The following LRBA variants were observed in gnomAD, a reference collection of about 807,000 sequenced individuals.
The protein encoded by LRBA is LPS responsive beige-like anchor protein.
A neutral mutation model predicts 330.0 loss-of-function variants in LRBA; 176 were observed. The observed-to-expected ratio is 0.53, with a 90% confidence interval of 0.47 to 0.60. LRBA has a LOEUF of 0.60. LRBA is among the 20% of genes least tolerant of loss of function. The pLI, the probability that LRBA is intolerant of heterozygous loss-of-function variation, is 0.00. For missense variants in LRBA, 3,259 were observed against 3,444.8 expected, an observed-to-expected ratio of 0.95 and a Z score of 1.35; for synonymous variants, 1,230 against 1,193.0, an observed-to-expected ratio of 1.03 and a Z score of -0.64.
intron 36 of LRBA, among the ~76,000 whole-genome samples, chr4:150,693,327 G>C (rs1479795562): frequency 2.6e-5 from 4 of 152,010 alleles, no homozygotes; most frequent in Non-Finnish European, 4.4e-5. Context: ...ACTTTGGGAG[G>C]CCGAGGTGGG....
intron 35 of LRBA, among the ~76,000 whole-genome samples, chr4:150,742,100 G>C (rs1439199381): frequency 6.6e-6 from 1 of 150,672 alleles, no homozygotes; most frequent in African/African-American, 2.4e-5. Flanking sequence ...TGAGAACATA[G>C]AGCGGGCAGG....
At chr4:150,511,781 G>A (rs1027119512) in intron 40 of LRBA, among the ~76,000 whole-genome samples, 8 of 152,098 alleles carry the variant, frequency 5.3e-5, no homozygotes, top group Non-Finnish European at 1.2e-4. Context: ...GTTAGATGAC[G>A]CAGTCAAAAT....
chr4:150,348,838 C>T (rs1445912431), intron 48 of LRBA, among the ~76,000 whole-genome samples: 2 of 152,144 alleles, frequency 1.3e-5, no homozygotes, highest in East Asian at 3.9e-4. Context: ...TGTAACACTA[C>T]CTGTATGTTG....
Position 150,583,159 on chromosome 4 carries a change from G to A in LRBA, c.6330+4889C>T, listed in dbSNP as rs1771621837. 3 of 1,614,096 alleles carry A rather than the reference G, an allele frequency of 1.9e-6. No individual in the cohort carries two copies. Among genetic ancestry groups the A allele is most frequent in the African/African-American group, 1.3e-5 (1 of 74,952 alleles). On this transcript the variant is annotated intron_variant, in intron 40 of 56. Coordinates refer to ENST00000651943, the MANE Select transcript of LRBA (RefSeq NM_001364905.1). The surrounding 1 kb of genome is among the most constrained non-coding windows in gnomAD (Gnocchi z 9.8). Reference sequence around the variant, plus strand: ...TAAGGTGGTCTCGGACGTGCTCAAGGAAGTGGAGGTGCAGGAGCCTCGCTT... The same window carrying A: ...TAAGGTGGTCTCGGACGTGCTCAAGAAAGTGGAGGTGCAGGAGCCTCGCTT...
intron 47 of LRBA, among the ~76,000 whole-genome samples, chr4:150,383,815 G>GT (rs1478058670): frequency 6.6e-6 from 1 of 151,978 alleles, no homozygotes; most frequent in African/African-American, 2.4e-5. Flanking sequence ...AAAGCCTTAC[G>GT]TTAGAACAAG....
chr4:150,583,153 C>T lies in LRBA; in HGVS notation c.6330+4895G>A, dbSNP rs1342528914. 1 of 1,614,100 alleles carries T rather than the reference C, an allele frequency of 6.2e-7. No individual in the cohort carries two copies. The highest frequency in any genetic ancestry group is 2.2e-5 in the East Asian group (1 of 44,880). On this transcript the variant is annotated intron_variant, in intron 40 of 56. Transcript: ENST00000651943. This position sits in a 1 kb window ranked among gnomAD's most constrained non-coding sequence, Gnocchi z 9.8. ...GGTCTGTAAGGTGGTCTCGGACGTG[C>T]TCAAGGAAGTGGAGGTGCAGGAGCC...
chr4:150,875,122 T>C (rs1023883561), intron 17 of LRBA, among the ~76,000 whole-genome samples: 1 of 152,080 alleles, frequency 6.6e-6, no homozygotes, highest in Non-Finnish European at 1.5e-5. Flanking sequence ...AACAGCACCC[T>C]CTGCACCATT....
chr4:150,962,733 C>A (rs1738289534), intron 2 of LRBA, among the ~76,000 whole-genome samples: 1 of 148,744 alleles, frequency 6.7e-6, no homozygotes, highest in Non-Finnish European at 1.5e-5. Flanking sequence ...GTGGACAGAT[C>A]ACTTGAGGTC....
intron 2 of LRBA, among the ~76,000 whole-genome samples, chr4:151,001,468 G>C (rs1208803918): frequency 6.6e-6 from 1 of 152,108 alleles, no homozygotes; most frequent in Non-Finnish European, 1.5e-5. Flanking sequence ...GTGCAGACTA[G>C]GGGCCTGGGG....
chr4:150,867,531 T>G, intron 22 of LRBA, 140 bp downstream of exon 22: 6 of 602,482 alleles, frequency 1.0e-5, no homozygotes, highest in South Asian at 2.3e-5. Flanking sequence ...ATAATCTTTT[T>G]GAGCTTTCAT....
intron 37 of LRBA, among the ~76,000 whole-genome samples, chr4:150,615,225 G>T (rs1775656078): frequency 6.6e-6 from 1 of 152,204 alleles, no homozygotes; most frequent in South Asian, 2.1e-4. Context: ...TAGTTTCTAA[G>T]AGGGCCAAAT....
At chr4:150,949,510 G>A (rs916944169) in intron 2 of LRBA, among the ~76,000 whole-genome samples, 1 of 152,038 alleles carries the variant, frequency 6.6e-6, no homozygotes, top group Non-Finnish European at 1.5e-5. Flanking sequence ...TTCTAGTTTT[G>A]CAAGATTTTC....
intron 33 of LRBA, among the ~76,000 whole-genome samples, chr4:150,802,498 T>C (rs1236554498): frequency 1.3e-5 from 2 of 152,080 alleles, no homozygotes; most frequent in Non-Finnish European, 2.9e-5. Context: ...TGAACTCACA[T>C]ATAATAATTG....
At chr4:150,320,337 G>A (rs1036286597) in intron 50 of LRBA, among the ~76,000 whole-genome samples, 1 of 152,092 alleles carries the variant, frequency 6.6e-6, no homozygotes, top group Non-Finnish European at 1.5e-5. Flanking sequence ...TATTTCAGTT[G>A]AGCATGACTG....
chr4:150,652,493 G>A (rs950459250), intron 37 of LRBA, among the ~76,000 whole-genome samples: 33 of 151,860 alleles, frequency 2.2e-4, no homozygotes, highest in African/African-American at 7.8e-4. Flanking sequence ...CCCATAAACT[G>A]GTTATTAGAT....
intron 34 of LRBA, among the ~76,000 whole-genome samples, chr4:150,785,066 T>A (rs1022224072): frequency 6.6e-6 from 1 of 152,224 alleles, no homozygotes; most frequent in Middle Eastern, 3.2e-3. Context: ...AAGAGTTTTA[T>A]TATCACTCAA....
chr4:150,775,544 T>C (rs1265752514), intron 34 of LRBA, among the ~76,000 whole-genome samples: 1 of 149,678 alleles, frequency 6.7e-6, no homozygotes, highest in Non-Finnish European at 1.5e-5. Flanking sequence ...AATTCTAGGC[T>C]GATGATAAAA....
At chr4:150,442,461 C>A (rs1751967360) in intron 44 of LRBA, among the ~76,000 whole-genome samples, 1 of 152,172 alleles carries the variant, frequency 6.6e-6, no homozygotes, top group Non-Finnish European at 1.5e-5. Flanking sequence ...GACTGCTTTA[C>A]AACCCTGCTT....
chr4:150,290,026 G>T (rs970540068), intron 53 of LRBA, among the ~76,000 whole-genome samples: 5 of 152,122 alleles, frequency 3.3e-5, no homozygotes, highest in African/African-American at 1.2e-4. Context: ...CTGGATCACA[G>T]CAGAGCCAAA....
Sources: allele counts gnomAD v4.1 joint callset (sites outside exome capture counted in the v4.1 genomes callset), GRCh38; gene constraint gnomAD v4.1.1; non-coding constraint Gnocchi (gnomAD v3.1); transcripts MANE v1.5; gene names NCBI Gene and HGNC (gene_info 2026-07-23, HGNC 2026-07-21).